Variants in UGT1A8 observed in about 807,000 individuals in gnomAD.
UGT1A8 encodes UDP glucuronosyltransferase family 1 member A8.
UGT1A8 carries 39 observed loss-of-function variants against 45.3 expected under a neutral mutation model. That is an observed-to-expected ratio of 0.86 (90% CI 0.67 to 1.12). UGT1A8 has a LOEUF of 1.12. Among genes scored for constraint, UGT1A8 ranks in the 50% most tolerant of loss-of-function variants. The probability of loss-of-function intolerance (pLI) is 0.00; values close to 1 mark genes in which losing one functional copy is unlikely to be tolerated. For missense variants in UGT1A8, 719 were observed against 664.9 expected (o/e 1.08, Z -0.90); for synonymous variants, 275 against 249.2 (o/e 1.10, Z -0.97).
intron 1 of UGT1A8, chr2:233,719,318 G>T: frequency 6.2e-7 from 1 of 1,613,954 alleles, no homozygotes; most frequent in Non-Finnish European, 8.5e-7. Flanking sequence ...AGTACCTGTC[G>T]ATTCCTGCTG....
chr2:233,617,865 A>G lies in UGT1A8; in HGVS notation c.158A>G (p.His53Arg). 1 of 1,614,140 alleles carries G rather than the reference A, an allele frequency of 6.2e-7. No individual in the cohort carries two copies. Among genetic ancestry groups the G allele is most frequent in the Non-Finnish European group, 8.5e-7 (1 of 1,180,030 alleles). ...GTGGAGAAACTTATCCTCAGGGGGCATGAGGTGGTTGTAGTCATGCCAGAG... is the reference window on the plus strand; with the variant it reads ...GTGGAGAAACTTATCCTCAGGGGGCGTGAGGTGGTTGTAGTCATGCCAGAG... ...SVVEKLILRG[H>R]EVVVVMPEVS... The change falls in exon 1 of 5, where the codon CAT (histidine) becomes CGT (arginine). Residue 53 changes from histidine (H) to arginine (R), a missense_variant. Transcript: ENST00000373450.
At position 233,681,970 on chromosome 2, in the gene UGT1A8, C is replaced by A. The variant is rs7577677; in HGVS notation, c.855+63408C>A. ...GTGCAGGGTGGACTGGCCTCCTTCC[C>A]CTATATGTGTGTCTACTGCTGACCT... On this transcript the variant is annotated intron_variant, in intron 1 of 4. Coordinates refer to ENST00000373450, the MANE Select transcript of UGT1A8 (RefSeq NM_019076.5). 603,341 of 1,613,798 alleles carry A rather than the reference C, an allele frequency of 0.37. 115,635 individuals carry two copies. The highest frequency in any genetic ancestry group is 0.41 in the South Asian group (37,458 of 91,050).
intron 1 of UGT1A8, among the ~76,000 whole-genome samples, chr2:233,657,172 T>A (rs887502021): frequency 5.3e-5 from 8 of 152,208 alleles, no homozygotes; most frequent in African/African-American, 1.7e-4. Context: ...CCACTAGCTA[T>A]CAAGGTCCCC....
chr2:233,664,225 A>G (rs1320393010), intron 1 of UGT1A8, among the ~76,000 whole-genome samples: 1 of 152,170 alleles, frequency 6.6e-6, no homozygotes, highest in Non-Finnish European at 1.5e-5. Context: ...GGTCACAAGC[A>G]TTTAACCAGT....
intron 1 of UGT1A8, chr2:233,729,168 A>G (rs746194501): frequency 1.2e-6 from 2 of 1,613,726 alleles, no homozygotes; most frequent in Admixed American, 1.7e-5. Context: ...GGCTGGCCAC[A>G]GGACTGCTGC....
At chr2:233,683,853 A>G (rs1303148540) in intron 1 of UGT1A8, among the ~76,000 whole-genome samples, 3 of 152,160 alleles carry the variant, frequency 2.0e-5, no homozygotes, top group African/African-American at 7.2e-5. Flanking sequence ...TAAGTATGCA[A>G]TATCATCTGC....
chr2:233,648,002 T>C, intron 1 of UGT1A8: 23 of 1,606,916 alleles, frequency 1.4e-5, no homozygotes, highest in Non-Finnish European at 1.9e-5. Context: ...CATGAGGTGG[T>C]TGTAGTCAGG....
intron 1 of UGT1A8, chr2:233,672,653 C>T (rs561534651): frequency 8.3e-5 from 134 of 1,613,904 alleles, no homozygotes; most frequent in East Asian, 6.5e-4. Context: ...ACACCTGTTA[C>T]GGAGTATGAT....
In UGT1A8 at chr2:233,676,599, C is replaced by A. The variant is rs566895330; in HGVS notation, c.855+58037C>A. ...CACCTGAAATGTAGTCATCATGTCT[C>A]CTTTGTCTCCTCCAGCCTGTGACGG... On this transcript the variant is annotated intron_variant, in intron 1 of 4. Transcript: ENST00000373450. Among the ~76,000 whole-genome samples, 4 of 152,256 alleles carry A rather than the reference C, an allele frequency of 2.6e-5. No individual in the cohort carries two copies. The South Asian group carries it at 8.3e-4, about 32-fold the overall frequency.
intron 1 of UGT1A8, among the ~76,000 whole-genome samples, chr2:233,751,824 C>T (rs377308595): frequency 8.3e-4 from 127 of 152,144 alleles, no homozygotes; most frequent in African/African-American, 2.9e-3. Context: ...GCCTCCCCAG[C>T]CATGTGGAAC....
chr2:233,760,348 G>A (rs759212811), intron 1 of UGT1A8: 2 of 1,613,950 alleles, frequency 1.2e-6, no homozygotes, highest in Admixed American at 1.7e-5. Flanking sequence ...GTGTGTGCTG[G>A]GCCCAGTGGT....
At chr2:233,639,434 G>A (rs990941527) in intron 1 of UGT1A8, among the ~76,000 whole-genome samples, 1 of 152,168 alleles carries the variant, frequency 6.6e-6, no homozygotes, top group Non-Finnish European at 1.5e-5. Flanking sequence ...TCAAAAGAAC[G>A]ATGAACACTG....
At chr2:233,681,806 T>C (rs1575427461) in intron 1 of UGT1A8, 2 of 1,490,614 alleles carry the variant, frequency 1.3e-6, no homozygotes, top group African/African-American at 2.8e-5. Context: ...TGGCAGTGAA[T>C]GTGAATTTTT....
In UGT1A8 at chr2:233,676,858, G is replaced by C. The variant is rs28969707; in HGVS notation, c.855+58296G>C. Among the ~76,000 whole-genome samples, 1,477 of 152,198 alleles carry C rather than the reference G, an allele frequency of 9.7e-3. 36 individuals carry two copies. Among genetic ancestry groups the C allele is most frequent in the African/African-American group, 0.033 (1,385 of 41,530 alleles). On this transcript the variant is annotated intron_variant, in intron 1 of 4. Transcript: ENST00000373450. ...ACCTTTTCTCCACTGCATTGCCTTT[G>C]TACCTTTGTAAAAACTTGGTTGTTC...
In UGT1A8 at chr2:233,644,476, G is replaced by A. The variant is rs138606545; in HGVS notation, c.855+25914G>A. Among the ~76,000 whole-genome samples, 60 of 152,180 alleles carry A rather than the reference G, an allele frequency of 3.9e-4. No homozygotes were observed. In the East Asian group the frequency reaches 0.01, roughly 25 times the overall value. Reference sequence around the variant, plus strand: ...CCAGCTACTCAGGAAGCAGAGATTCGCTTGAACCTCGGAGGCAGAGGCTGC... The same window carrying A: ...CCAGCTACTCAGGAAGCAGAGATTCACTTGAACCTCGGAGGCAGAGGCTGC... On this transcript the variant is annotated intron_variant, in intron 1 of 4. Coordinates refer to ENST00000373450, the MANE Select transcript of UGT1A8 (RefSeq NM_019076.5).
chr2:233,643,390 A>G (rs2073511493), intron 1 of UGT1A8, among the ~76,000 whole-genome samples: 1 of 151,952 alleles, frequency 6.6e-6, no homozygotes, highest in African/African-American at 2.4e-5. Flanking sequence ...TTAAGGCCCA[A>G]GGTCTTAAGT....
intron 1 of UGT1A8, among the ~76,000 whole-genome samples, chr2:233,662,788 A>G (rs1429891379): frequency 1.4e-5 from 2 of 144,826 alleles, no homozygotes; most frequent in East Asian, 4.0e-4. Context: ...AGCTTTGGAA[A>G]CTTCTCTTCT....
intron 1 of UGT1A8, among the ~76,000 whole-genome samples, chr2:233,748,366 G>A (rs1693927110): frequency 1.3e-5 from 2 of 151,774 alleles, no homozygotes; most frequent in Admixed American, 1.3e-4. Context: ...CCATCTTCAT[G>A]GTTGTGCATG....
intron 1 of UGT1A8, among the ~76,000 whole-genome samples, chr2:233,670,900 T>C (rs2074171515): frequency 6.6e-6 from 1 of 152,228 alleles, no homozygotes; most frequent in Non-Finnish European, 1.5e-5. Flanking sequence ...AAAAGTGTTC[T>C]TGCCGAGGCC....
Sources: allele counts gnomAD v4.1 joint callset (sites outside exome capture counted in the v4.1 genomes callset), GRCh38; gene constraint gnomAD v4.1.1; transcripts MANE v1.5; gene names NCBI Gene and HGNC (gene_info 2026-07-23, HGNC 2026-07-21).